The following PDE4D variants were observed in gnomAD, a reference collection of about 807,000 sequenced individuals.
PDE4D encodes the protein 3',5'-cyclic-AMP phosphodiesterase 4D.
In PDE4D, 24 loss-of-function variants were observed where a neutral mutation model predicts 87.4. The observed-to-expected ratio is 0.27, with a 90% CI of 0.20 to 0.39. The LOEUF (loss-of-function observed/expected upper bound fraction) is 0.39. PDE4D is among the 10% of genes least tolerant of loss of function. PDE4D has a pLI of 1.00. For synonymous variants in PDE4D, 384 were observed against 383.2 expected (o/e 1.00, Z -0.02); for missense variants, 714 against 1,041.0 (o/e 0.69, Z 4.32).
chr5:59,480,571 G>C (rs1435435413), intron 1 of PDE4D, among the ~76,000 whole-genome samples: 1 of 152,108 alleles, frequency 6.6e-6, no homozygotes, highest in African/African-American at 2.4e-5. Flanking sequence ...CATCATCATG[G>C]CATGTGGCCA....
At chr5:59,968,471 G>A (rs1047424402) in intron 3 of PDE4D, among the ~76,000 whole-genome samples, 2 of 151,980 alleles carry the variant, frequency 1.3e-5, no homozygotes, top group South Asian at 4.2e-4. Flanking sequence ...TACCTATCTT[G>A]TACTATGCTC....
intron 1 of PDE4D, among the ~76,000 whole-genome samples, chr5:59,672,448 G>T (rs1747374109): frequency 6.6e-6 from 1 of 152,152 alleles, no homozygotes; most frequent in Admixed American, 6.5e-5. Context: ...GAAAAATTCA[G>T]CTCTGAAATG....
chr5:59,194,654 C>T (rs1343042401), intron 2 of PDE4D, among the ~76,000 whole-genome samples: 1 of 152,104 alleles, frequency 6.6e-6, no homozygotes, highest in Non-Finnish European at 1.5e-5. Flanking sequence ...TTATTTTACA[C>T]CCCCTTAGTT....
intron 1 of PDE4D, among the ~76,000 whole-genome samples, chr5:59,781,426 G>A (rs2152627949): frequency 6.6e-6 from 1 of 152,198 alleles, no homozygotes; most frequent in Middle Eastern, 3.4e-3. Context: ...AATGGTTGCA[G>A]ACATGATGTA....
intron 1 of PDE4D, among the ~76,000 whole-genome samples, chr5:60,204,960 G>C (rs115758579): frequency 0.023 from 3,548 of 152,306 alleles, 70 homozygotes; most frequent in Non-Finnish European, 0.037. Context: ...CTGACATATA[G>C]TAAGCATCAA....
intron 1 of PDE4D, among the ~76,000 whole-genome samples, chr5:59,718,484 G>A (rs972903498): frequency 6.6e-6 from 1 of 152,138 alleles, no homozygotes; most frequent in Non-Finnish European, 1.5e-5. Flanking sequence ...TACAACTCTT[G>A]AAGGCATACA....
rs1316996139 is a variant in PDE4D, at chr5:59,225,582, A to G, written c.456-9614T>C. On this transcript the variant is annotated intron_variant, in intron 1 of 14. Coordinates refer to ENST00000340635, the MANE Select transcript of PDE4D (RefSeq NM_001104631.2). Reference sequence around the variant, plus strand: ...CATTGGACATTGTGGACATTTTAACAATATTAAGTTTCCTAATCCACAGCA... The same window carrying G: ...CATTGGACATTGTGGACATTTTAACGATATTAAGTTTCCTAATCCACAGCA... Among the ~76,000 whole-genome samples, 3 of 152,200 alleles carry G rather than the reference A, an allele frequency of 2.0e-5. No homozygotes were observed. The East Asian group carries it at 5.8e-4, about 29-fold the overall frequency.
chr5:59,849,900 G>A (rs1744418569), intron 1 of PDE4D, among the ~76,000 whole-genome samples: 1 of 152,026 alleles, frequency 6.6e-6, no homozygotes, highest in South Asian at 2.1e-4. Context: ...TATTTAGGCA[G>A]TGTTCTCATT....
chr5:60,064,973 A>G (rs1014977765), intron 2 of PDE4D, among the ~76,000 whole-genome samples: 30 of 152,270 alleles, frequency 2.0e-4, no homozygotes, highest in Non-Finnish European at 3.8e-4. Flanking sequence ...AGTAATTCTT[A>G]ATTCTTTTGC....
intron 2 of PDE4D, among the ~76,000 whole-genome samples, chr5:60,120,328 A>C (rs1402613907): frequency 6.6e-6 from 1 of 152,118 alleles, no homozygotes; most frequent in East Asian, 1.9e-4. Flanking sequence ...GTTGCTACAA[A>C]CTTTGTGTAC....
chr5:59,331,842 C>T (rs1324230581), intron 1 of PDE4D, among the ~76,000 whole-genome samples: 1 of 152,232 alleles, frequency 6.6e-6, no homozygotes, highest in African/African-American at 2.4e-5. Context: ...CTTAGGTTTT[C>T]TGTCTCCAAG....
intron 5 of PDE4D, among the ~76,000 whole-genome samples, chr5:59,087,583 T>C (rs1442452273): frequency 1.3e-5 from 2 of 152,192 alleles, no homozygotes; most frequent in Non-Finnish European, 2.9e-5. Context: ...CTAAGATTAA[T>C]AGTCCTGTCC....
intron 3 of PDE4D, among the ~76,000 whole-genome samples, chr5:59,937,972 T>C (rs1445911334): frequency 1.3e-5 from 2 of 152,234 alleles, no homozygotes; most frequent in African/African-American, 4.8e-5. Context: ...AATACTTTAT[T>C]GTGATTTCTT....
intron 1 of PDE4D, among the ~76,000 whole-genome samples, chr5:59,407,184 A>C (rs1214573723): frequency 1.3e-5 from 2 of 152,088 alleles, no homozygotes; most frequent in African/African-American, 4.8e-5. Context: ...TTTGTGAGCA[A>C]GTTCTCATAA....
chr5:60,293,408 G>A (rs1372750981), intron 1 of PDE4D, among the ~76,000 whole-genome samples: 1 of 152,032 alleles, frequency 6.6e-6, no homozygotes, highest in Non-Finnish European at 1.5e-5. Context: ...CAGCTACTCG[G>A]GAGGCTGAGG....
intron 3 of PDE4D, among the ~76,000 whole-genome samples, chr5:59,939,548 TGAG>T (rs1220253847): frequency 1.3e-5 from 2 of 152,168 alleles, no homozygotes; most frequent in African/African-American, 2.4e-5. Context: ...TCTGACCTCG[TGAG>T]GAGGACTGTG....
At chr5:59,230,331 A>C (rs1216831865) in intron 1 of PDE4D, among the ~76,000 whole-genome samples, 2 of 152,004 alleles carry the variant, frequency 1.3e-5, no homozygotes, top group African/African-American at 4.8e-5. Flanking sequence ...CAGATATTGA[A>C]CTCACTTTGA....
intron 1 of PDE4D, among the ~76,000 whole-genome samples, chr5:59,295,407 TG>T (rs1768865735): frequency 6.6e-6 from 1 of 152,120 alleles, no homozygotes; most frequent in South Asian, 2.1e-4. Context: ...AAGTCAAAAG[TG>T]TGACTTTCTC....
At chr5:60,343,420 T>C (rs1352288241) in intron 1 of PDE4D, among the ~76,000 whole-genome samples, 1 of 152,164 alleles carries the variant, frequency 6.6e-6, no homozygotes, top group East Asian at 1.9e-4. Flanking sequence ...GAGATGTTGC[T>C]ACTCTGCAAA....
Sources: allele counts gnomAD v4.1 joint callset (sites outside exome capture counted in the v4.1 genomes callset), GRCh38; gene constraint gnomAD v4.1.1; transcripts MANE v1.5; gene names NCBI Gene and HGNC (gene_info 2026-07-23, HGNC 2026-07-21).